The following CLCF1 variants were observed in gnomAD, a reference collection of about 807,000 sequenced individuals.
CLCF1 encodes cardiotrophin like cytokine factor 1, also known as cardiotrophin-like cytokine factor 1.
CLCF1 carries 10 observed loss-of-function variants against 21.2 expected under a neutral mutation model. That is an observed-to-expected ratio of 0.47 (90% CI 0.29 to 0.80). The LOEUF (loss-of-function observed/expected upper bound fraction) is 0.80, where lower values mean the gene tolerates loss of function less well. Ranked by LOEUF, CLCF1 falls within the 30% of genes least tolerant of loss-of-function variation. The pLI, the probability that CLCF1 is intolerant of heterozygous loss-of-function variation, is 0.09. For synonymous variants in CLCF1, 115 were observed against 120.5 expected (o/e 0.95, Z 0.30); for missense variants, 240 against 293.4 (o/e 0.82, Z 1.33).
At chr11:67,368,717 T>C (rs1270010547) in intron 1 of CLCF1, 3 of 985,090 alleles carry the variant, frequency 3.0e-6, no homozygotes, top group Non-Finnish European at 3.6e-6. Context: ...TTTAGTGCGG[T>C]TGAGGTTTGA....
intron 1 of CLCF1, chr11:67,370,905 A>T (rs1032093901): frequency 1.0e-6 from 1 of 985,420 alleles, no homozygotes; most frequent in Admixed American, 6.1e-5. Flanking sequence ...GCAGCCAGGG[A>T]GGCACTGCAG....
intron 1 of CLCF1, among the ~76,000 whole-genome samples, chr11:67,371,434 C>T (rs1198258825): frequency 6.6e-6 from 1 of 152,230 alleles, no homozygotes; most frequent in African/African-American, 2.4e-5. Context: ...CTCCAGCATC[C>T]CCCTTTGTGC....
At chr11:67,373,814 G>A, upstream of CLCF1, 8 of 1,079,974 alleles carry the variant, frequency 7.4e-6, no homozygotes, top group Non-Finnish European at 9.3e-6. Flanking sequence ...GAGGGCTTCT[G>A]GGGCTCCCTC....
At chr11:67,369,695 G>A in intron 1 of CLCF1, 1 of 985,464 alleles carries the variant, frequency 1.0e-6, no homozygotes, top group South Asian at 4.7e-5. Flanking sequence ...GAGACCAAGG[G>A]TCCCAACTGA....
chr11:67,368,621 G>C (rs1219443521), intron 1 of CLCF1: 1 of 985,306 alleles, frequency 1.0e-6, no homozygotes, highest in Non-Finnish European at 1.2e-6. Flanking sequence ...GGCTAGGGTA[G>C]ATATAATTGG....
chr11:67,367,388 C>G, intron 2 of CLCF1, 72 bp downstream of exon 2: 1 of 1,610,828 alleles, frequency 6.2e-7, no homozygotes, highest in Non-Finnish European at 8.5e-7. Context: ...CCAGAACCCT[C>G]CACGGTTAGG....
chr11:67,367,490 C>T lies in CLCF1; in HGVS notation c.153G>A (p.Glu51=), dbSNP rs1862136516. 1.2e-6 allele frequency: 2 copies of T among 1,614,244 alleles called. No homozygotes were observed. The highest frequency in any genetic ancestry group is 1.7e-6 in the Non-Finnish European group (2 of 1,180,040). ...QKTYDLTRYL[E]HQLRSLAGTY... ...TCCCAGCCAAGCTGCGGAGTTGGTG[C>T]TCCAGGTAGCGGGTGAGGTCATAGG... The change falls in exon 2 of 3, where the codon GAG becomes GAA. Residue 51 remains glutamate, a synonymous_variant. Coordinates refer to ENST00000312438, the MANE Select transcript of CLCF1 (RefSeq NM_013246.3).
intron 1 of CLCF1, among the ~76,000 whole-genome samples, chr11:67,371,856 G>C (rs2134898870): frequency 6.6e-6 from 1 of 152,280 alleles, no homozygotes; most frequent in South Asian, 2.1e-4. Flanking sequence ...GCGTGCAGGG[G>C]TGGTGTGCAG....
In CLCF1 at chr11:67,368,744, G is replaced by A. The variant is rs1251961242; in HGVS notation, c.17-1118C>T. The A allele has an allele frequency of 2.7e-5, 27 of 985,170 alleles. 1 individual carries two copies. The highest frequency in any genetic ancestry group is 3.5e-5 in the African/African-American group (2 of 57,174). 61.0% of individuals were successfully genotyped at this position (985,170 alleles called of 1,614,324 possible). A position where few individuals can be genotyped will look rare whatever the true frequency, so the allele number is the denominator to read the frequency against. ...GAGGTTTGAGTCCAGCAAGGATGTG[G>A]TGAGGTCTGGGCAGGCAGAGGGTGA... On this transcript the variant is annotated intron_variant, in intron 1 of 2. Coordinates refer to ENST00000312438, the MANE Select transcript of CLCF1 (RefSeq NM_013246.3).
rs1233304087 is a variant in CLCF1 at position 67,372,653 on chromosome 11, G to A, written c.16+871C>T. Among the ~76,000 whole-genome samples, 1 of 149,492 alleles carries A rather than the reference G, an allele frequency of 6.7e-6. No individual in the cohort carries two copies. Among genetic ancestry groups the A allele is most frequent in the Non-Finnish European group, 1.5e-5 (1 of 66,948 alleles). On this transcript the variant is annotated intron_variant, in intron 1 of 2. Coordinates refer to ENST00000312438, the MANE Select transcript of CLCF1 (RefSeq NM_013246.3). This position sits in a 1 kb window ranked among gnomAD's most constrained non-coding sequence, Gnocchi z 5.9. ...GGGCGGGGGCGGGGGCGGGGTCCGG[G>A]GCACCGGGCTCCGGGCTCTGCCCGG...
rs1478936740 is a variant in CLCF1, at chr11:67,372,758, C to T, written c.16+766G>A. Reference sequence around the variant, plus strand: ...CCGCCGCTCCCTGGCCAGTGACAGACTTTTTCCTGCCGGGTCCGGCCCGGC... The same window carrying T: ...CCGCCGCTCCCTGGCCAGTGACAGATTTTTTCCTGCCGGGTCCGGCCCGGC... On this transcript the variant is annotated intron_variant, in intron 1 of 2. Transcript: ENST00000312438. This position sits in a 1 kb window ranked among gnomAD's most constrained non-coding sequence, Gnocchi z 5.9. 6.6e-6 allele frequency among the ~76,000 whole-genome samples: 1 copy of T among 150,408 alleles called. No individual in the cohort carries two copies. Among genetic ancestry groups the T allele is most frequent in the African/African-American group, 2.4e-5 (1 of 41,204 alleles).
At position 67,373,551 on chromosome 11, in the gene CLCF1, C is replaced by T; in HGVS notation, c.-12G>A. The T allele has an allele frequency of 2.9e-6, 4 of 1,383,062 alleles. No individual in the cohort carries two copies. The highest frequency in any genetic ancestry group is 1.6e-5 in the South Asian group (1 of 63,778). 85.7% of individuals were successfully genotyped at this position (1,383,062 alleles called of 1,614,324 possible). A position where few individuals can be genotyped will look rare whatever the true frequency, so the allele number is the denominator to read the frequency against. Reference sequence around the variant, plus strand: ...GCTCGGAGGTCCATGGGGCTGGGGCCGGGCCGGCCGGGTGCGGCTCCTCTC... The same window carrying T: ...GCTCGGAGGTCCATGGGGCTGGGGCTGGGCCGGCCGGGTGCGGCTCCTCTC... On this transcript the variant is annotated 5_prime_UTR_variant, in exon 1 of 3. Coordinates refer to ENST00000312438, the MANE Select transcript of CLCF1 (RefSeq NM_013246.3).
Position 67,369,323 on chromosome 11 carries a change from TGTGA to T in CLCF1, c.17-1701_17-1698del, listed in dbSNP as rs148209352. 1.8e-3 allele frequency: 1,727 copies of T among 984,512 alleles called. 24 individuals are homozygous for T. In the African/African-American group the frequency reaches 0.028, roughly 16 times the overall value. 61.0% of individuals were successfully genotyped at this position (984,512 alleles called of 1,614,324 possible). ...TCACAGGGTCTTGGTTTGAGGCAAGTGTGAGTGTGTGTACACGCGTGTGTTTTAG... is the reference window on the plus strand; with the variant it reads ...TCACAGGGTCTTGGTTTGAGGCAAGTGTGTGTGTACACGCGTGTGTTTTAG... On this transcript the variant is annotated intron_variant, in intron 1 of 2. Transcript: ENST00000312438.
At chr11:67,368,295 C>T in intron 1 of CLCF1, 7 of 985,328 alleles carry the variant, frequency 7.1e-6, no homozygotes, top group Non-Finnish European at 8.4e-6. Context: ...TGCTCACTCT[C>T]AGGGAACGGT....
Position 67,373,225 on chromosome 11 carries a change from G to T in CLCF1, c.16+299C>A, listed in dbSNP as rs140450336. 4.7e-3 allele frequency among the ~76,000 whole-genome samples: 721 copies of T among 152,070 alleles called. 3 individuals carry two copies. The highest frequency in any genetic ancestry group is 0.017 in the African/African-American group (702 of 41,518). On this transcript the variant is annotated intron_variant, in intron 1 of 2. Coordinates refer to ENST00000312438, the MANE Select transcript of CLCF1 (RefSeq NM_013246.3). ...GCCCCGACTGGTGCGCGGGGCTCTG[G>T]GGCTGCGGCTCCTACGGCCCGCCTC... is the stretch of plus-strand genomic sequence containing the variant.
chr11:67,370,465 C>T (rs1218686008), intron 1 of CLCF1: 8 of 984,948 alleles, frequency 8.1e-6, no homozygotes, highest in East Asian at 2.3e-4. Flanking sequence ...GTTTACATCC[C>T]GTCTTCTCTG....
chr11:67,373,731 G>C (rs1339887580), upstream of CLCF1: 1 of 971,070 alleles, frequency 1.0e-6, no homozygotes, highest in Admixed American at 6.4e-5. Flanking sequence ...TTTTTTTTCT[G>C]ACGTGTAAAG....
At chr11:67,367,788 C>G in intron 1 of CLCF1, 162 bp from the exon 2 acceptor site, 1 of 985,344 alleles carries the variant, frequency 1.0e-6, no homozygotes, top group African/African-American at 1.7e-5. Flanking sequence ...ACACTCCTGG[C>G]AAGACGGGAG....
intron 1 of CLCF1, chr11:67,370,871 T>C (rs1862216924): frequency 2.0e-6 from 2 of 985,346 alleles, no homozygotes; most frequent in African/African-American, 1.7e-5. Flanking sequence ...AGAGCTACGC[T>C]AAGAACTGTA....
Sources: allele counts gnomAD v4.1 joint callset (sites outside exome capture counted in the v4.1 genomes callset), GRCh38; gene constraint gnomAD v4.1.1; non-coding constraint Gnocchi (gnomAD v3.1); transcripts MANE v1.5; gene names NCBI Gene and HGNC (gene_info 2026-07-23, HGNC 2026-07-21).